PLA2G4C: variants seen among roughly 807,000 people sequenced by gnomAD.
PLA2G4C encodes phospholipase A2 group IVC.
PLA2G4C carries 64 observed loss-of-function variants against 73.8 expected under a neutral mutation model. That is an observed-to-expected ratio of 0.87 (90% CI 0.71 to 1.07). The LOEUF (loss-of-function observed/expected upper bound fraction) is 1.07. Ranked by LOEUF, PLA2G4C falls within the 50% of genes least tolerant of loss-of-function variation. PLA2G4C has a pLI of 0.00. For missense variants in PLA2G4C, 622 were observed against 665.4 expected (o/e 0.93, Z 0.72); for synonymous variants, 254 against 252.1 (o/e 1.01, Z -0.07).
At chr19:48,063,575 T>TC (rs1375684290) in intron 13 of PLA2G4C, among the ~76,000 whole-genome samples, 1 of 16,184 alleles carries the variant, frequency 6.2e-5, no homozygotes, top group East Asian at 2.6e-3. Flanking sequence ...ATCCCTCCCG[T>TC]CCCCCCGCCA....
At chr19:48,102,563 T>C (rs950296567) in intron 4 of PLA2G4C, among the ~76,000 whole-genome samples, 1 of 152,170 alleles carries the variant, frequency 6.6e-6, no homozygotes, top group Non-Finnish European at 1.5e-5. Context: ...TCATGTTACA[T>C]AGCTCTACTT....
intron 10 of PLA2G4C, among the ~76,000 whole-genome samples, chr19:48,080,225 A>C (rs1001772927): frequency 2.6e-5 from 4 of 152,200 alleles, no homozygotes; most frequent in Non-Finnish European, 5.9e-5. Flanking sequence ...ATATGAAAAA[A>C]ATGGTCAGCA....
chr19:48,065,721 T>C (rs1600175365), intron 13 of PLA2G4C, among the ~76,000 whole-genome samples: 1 of 152,040 alleles, frequency 6.6e-6, no homozygotes, highest in South Asian at 2.1e-4. Context: ...TGACAAGGGG[T>C]TGTGGAGACC....
intron 13 of PLA2G4C, chr19:48,064,862 G>A (rs1424577395): frequency 1.3e-5 from 2 of 152,198 alleles, no homozygotes; most frequent in Non-Finnish European, 2.9e-5. Flanking sequence ...AGAGTCCTCA[G>A]AAAGAACTCA....
chr19:48,100,844 G>C (rs2031869919), intron 4 of PLA2G4C, among the ~76,000 whole-genome samples: 1 of 148,468 alleles, frequency 6.7e-6, no homozygotes, highest in Non-Finnish European at 1.5e-5. Flanking sequence ...AACCCGGGAG[G>C]CTGAGCTTGC....
At chr19:48,087,197 G>A (rs1363730596) in intron 9 of PLA2G4C, among the ~76,000 whole-genome samples, 5 of 152,188 alleles carry the variant, frequency 3.3e-5, no homozygotes, top group African/African-American at 1.2e-4. Context: ...TCTGCTGGTG[G>A]GAAGTTTCTT....
chr19:48,106,317 T>G (rs1355614861), intron 2 of PLA2G4C, among the ~76,000 whole-genome samples: 1 of 152,142 alleles, frequency 6.6e-6, no homozygotes, highest in East Asian at 1.9e-4. Context: ...AGTCTCGAAC[T>G]CTGGGGCTCA....
At chr19:48,079,533 TG>T (rs1258980972) in intron 10 of PLA2G4C, among the ~76,000 whole-genome samples, 2 of 152,110 alleles carry the variant, frequency 1.3e-5, no homozygotes, top group African/African-American at 4.8e-5. Context: ...ACAAATTCAA[TG>T]TGAATTTGCA....
intron 9 of PLA2G4C, among the ~76,000 whole-genome samples, chr19:48,087,459 C>T (rs2031045527): frequency 6.6e-6 from 1 of 152,200 alleles, no homozygotes; most frequent in South Asian, 2.1e-4. Context: ...TTTAGGCTTG[C>T]ATAAGAGACA....
At chr19:48,058,858 A>G (rs1348324737) in intron 14 of PLA2G4C, among the ~76,000 whole-genome samples, 1 of 152,028 alleles carries the variant, frequency 6.6e-6, no homozygotes, top group East Asian at 1.9e-4. Flanking sequence ...TAGTAGCTAC[A>G]TGTTGGTTAG....
chr19:48,082,950 A>C (rs1337893807), intron 10 of PLA2G4C, among the ~76,000 whole-genome samples: 1 of 147,990 alleles, frequency 6.8e-6, no homozygotes, highest in East Asian at 2.0e-4. Context: ...AGTAGCTGGG[A>C]CTACAGGCGC....
At chr19:48,089,872 C>T (rs887513684) in intron 8 of PLA2G4C, among the ~76,000 whole-genome samples, 44 of 152,232 alleles carry the variant, frequency 2.9e-4, no homozygotes, top group African/African-American at 9.1e-4. Context: ...GGGTGAGTCA[C>T]GCATCCTTCC....
chr19:48,065,352 G>C (rs1333128677), intron 13 of PLA2G4C, among the ~76,000 whole-genome samples: 1 of 151,932 alleles, frequency 6.6e-6, no homozygotes, highest in Non-Finnish European at 1.5e-5. Context: ...TCACACCTGT[G>C]CACCTATAAT....
intron 5 of PLA2G4C, among the ~76,000 whole-genome samples, chr19:48,098,968 C>T (rs1258937814): frequency 6.6e-6 from 1 of 151,510 alleles, no homozygotes; most frequent in Non-Finnish European, 1.5e-5. Context: ...GATGCAGTGG[C>T]TCATACACGT....
intron 12 of PLA2G4C, among the ~76,000 whole-genome samples, chr19:48,068,303 C>CA (rs71181639): frequency 0.18 from 13,517 of 75,886 alleles, 1,826 homozygotes; most frequent in African/African-American, 0.37. Flanking sequence ...GACTCCATCT[C>CA]AAAAAAAAAA....
chr19:48,082,539 C>A (rs2030654563), intron 10 of PLA2G4C, among the ~76,000 whole-genome samples: 1 of 127,870 alleles, frequency 7.8e-6, no homozygotes, highest in Non-Finnish European at 1.6e-5. Context: ...CGATCTGTTG[C>A]CCAGCCTGGA....
At chr19:48,106,239 T>C (rs2032231571) in intron 2 of PLA2G4C, among the ~76,000 whole-genome samples, 2 of 151,508 alleles carry the variant, frequency 1.3e-5, no homozygotes, top group African/African-American at 4.8e-5. Flanking sequence ...TGTACCACTA[T>C]GCTTGGCTAA....
chr19:48,105,203 CCTT>C, intron 3 of PLA2G4C, 127 bp downstream of exon 3: 1 of 630,346 alleles, frequency 1.6e-6, no homozygotes, highest in Non-Finnish European at 2.8e-6. Context: ...AAGTTCATAT[CCTT>C]CTATTTCTAT....
chr19:48,097,650 G>C (rs2031669822), intron 6 of PLA2G4C: 1 of 152,612 alleles, frequency 6.6e-6, no homozygotes, highest in African/African-American at 2.4e-5. Flanking sequence ...GTAGTACAAT[G>C]GTGCAATCAC....
Sources: gnomAD v4.1 joint callset for allele counts (sites outside exome capture counted in the v4.1 genomes callset) on GRCh38, gnomAD v4.1.1 for gene constraint, MANE v1.5 for transcripts, NCBI Gene and HGNC (gene_info 2026-07-23, HGNC 2026-07-21) for gene names.